WDR49: variants seen among roughly 807,000 people sequenced by gnomAD.
WDR49 encodes WD repeat domain 49.
A neutral mutation model predicts 119.5 loss-of-function variants in WDR49; 107 were observed. The ratio of observed to expected loss-of-function variants is 0.90; its 90% CI spans 0.77 to 1.05. The LOEUF (loss-of-function observed/expected upper bound fraction) is 1.05, where lower values mean the gene tolerates loss of function less well. Among genes scored for constraint, WDR49 ranks in the 50% least tolerant of loss-of-function variants. WDR49 has a pLI of 0.00. For missense variants in WDR49, 1,240 were observed against 1,220.5 expected (o/e 1.02, Z -0.24); for synonymous variants, 425 against 418.8 (o/e 1.01, Z -0.18).
At chr3:167,631,692 T>G (rs1419545166) in intron 2 of WDR49, among the ~76,000 whole-genome samples, 2 of 152,100 alleles carry the variant, frequency 1.3e-5, no homozygotes, top group Non-Finnish European at 2.9e-5. Flanking sequence ...GTCAGCATAT[T>G]GTGGAGCAGG....
chr3:167,648,897 A>T (rs948558964), intron 2 of WDR49, among the ~76,000 whole-genome samples: 1 of 152,182 alleles, frequency 6.6e-6, no homozygotes, highest in Non-Finnish European at 1.5e-5. Flanking sequence ...CATGTTGCAG[A>T]TATTATATAT....
At position 167,627,055 on chromosome 3, in the gene WDR49, G is replaced by A; in HGVS notation, c.403C>T (p.Leu135Phe). ...ATGGTGTCCTTGTGTTTTACTGGGA[G>A]GAATTCAAGGTCCTTCCACTGGGGC... is the stretch of plus-strand genomic sequence containing the variant. ...VVPQWKDLEF[L>F]PVKHKDTIQK... is the part of the protein sequence containing the mutation. The change falls in exon 3 of 19, where the codon CTC (leucine) becomes TTC (phenylalanine). Residue 135 changes from leucine (L) to phenylalanine (F), a missense_variant. By Grantham distance (22) the Leu-to-Phe change is conservative (BLOSUM62 0). Coordinates refer to ENST00000682715, the MANE Select transcript of WDR49 (RefSeq NM_001366157.1). The A allele has an allele frequency of 2.3e-6, 3 of 1,310,412 alleles. No homozygotes were observed. The highest frequency in any genetic ancestry group is 2.9e-6 in the Non-Finnish European group (3 of 1,029,954). The allele number at this position is 1,310,412 out of a possible 1,614,324, so 81.2% of individuals were successfully genotyped here.
intron 7 of WDR49, 31 bp downstream of exon 7, chr3:167,602,096 C>A (rs375342744): frequency 6.5e-7 from 1 of 1,545,886 alleles, no homozygotes; most frequent in African/African-American, 1.4e-5. Flanking sequence ...GGAAGCAAAA[C>A]TAAATTAATT....
At chr3:167,575,168 G>A in intron 8 of WDR49, 1 of 985,376 alleles carries the variant, frequency 1.0e-6, no homozygotes, top group Non-Finnish European at 1.2e-6. Context: ...CATCAGGCCT[G>A]ACGGGATCAC....
At chr3:167,499,932 C>T (rs149939351) in intron 18 of WDR49, among the ~76,000 whole-genome samples, 2 of 152,092 alleles carry the variant, frequency 1.3e-5, no homozygotes, top group Non-Finnish European at 2.9e-5. Flanking sequence ...AGAAAAGGAA[C>T]AAAATAAAAA....
chr3:167,593,229 T>C (rs1292529665), intron 7 of WDR49, among the ~76,000 whole-genome samples: 1 of 152,138 alleles, frequency 6.6e-6, no homozygotes, highest in Non-Finnish European at 1.5e-5. Flanking sequence ...TTAAGTCCAA[T>C]AACTCTTAGA....
intron 3 of WDR49, among the ~76,000 whole-genome samples, chr3:167,625,405 T>C (rs1350482619): frequency 6.6e-6 from 1 of 152,066 alleles, no homozygotes; most frequent in Non-Finnish European, 1.5e-5. Context: ...ATAATAATAA[T>C]AATAGTACTC....
rs1577248140 is a variant in WDR49 at position 167,571,728 on chromosome 3, T to G, written c.1509+4190A>C. 1.3e-5 allele frequency among the ~76,000 whole-genome samples: 2 copies of G among 152,334 alleles called. 1 individual carries two copies. The highest frequency in any genetic ancestry group is 4.1e-4 in the South Asian group (2 of 4,832). Reference sequence around the variant, plus strand: ...GAAAGATGTTTAGAATATGTTGATATCAGCAATAGTTTTGTATTTGAGCTT... The same window carrying G: ...GAAAGATGTTTAGAATATGTTGATAGCAGCAATAGTTTTGTATTTGAGCTT... On this transcript the variant is annotated intron_variant, in intron 8 of 18. Transcript: ENST00000682715.
intron 7 of WDR49, among the ~76,000 whole-genome samples, chr3:167,598,215 G>A (rs1560305564): frequency 6.6e-6 from 1 of 151,800 alleles, no homozygotes; most frequent in Non-Finnish European, 1.5e-5. Context: ...TGAGGTAGGA[G>A]AATTGCTCGA....
chr3:167,622,575 A>C (rs1213976918), intron 3 of WDR49, among the ~76,000 whole-genome samples: 1 of 152,154 alleles, frequency 6.6e-6, no homozygotes, highest in African/African-American at 2.4e-5. Context: ...ACAGAAGCAA[A>C]AACTAAAATT....
intron 2 of WDR49, among the ~76,000 whole-genome samples, chr3:167,649,996 C>A (rs559409782): frequency 7.2e-5 from 11 of 152,062 alleles, no homozygotes; most frequent in African/African-American, 2.7e-4. Flanking sequence ...GGTCTCAGAC[C>A]AAACGGGCAG....
At chr3:167,635,422 CA>C (rs779474808) in intron 2 of WDR49, among the ~76,000 whole-genome samples, 14 of 151,602 alleles carry the variant, frequency 9.2e-5, no homozygotes, top group Non-Finnish European at 1.8e-4. Context: ...TACATACTTT[CA>C]GGAGGAAAAA....
At chr3:167,485,782 C>A (rs575380022) in intron 18 of WDR49, among the ~76,000 whole-genome samples, 107 of 152,186 alleles carry the variant, frequency 7.0e-4, no homozygotes, top group African/African-American at 1.8e-3. Context: ...CTAGGACTCA[C>A]TGATAATCCT....
At chr3:167,549,494 T>A (rs1350609511) in intron 10 of WDR49, among the ~76,000 whole-genome samples, 1 of 152,226 alleles carries the variant, frequency 6.6e-6, no homozygotes, top group Non-Finnish European at 1.5e-5. Flanking sequence ...ATGTCTTCTT[T>A]TGAGAAGTGT....
chr3:167,540,031 A>G (rs1412630525), intron 10 of WDR49, among the ~76,000 whole-genome samples: 1 of 152,180 alleles, frequency 6.6e-6, no homozygotes, highest in Admixed American at 6.5e-5. Flanking sequence ...TCCATGAGAC[A>G]GGTGAAAAAC....
In WDR49 at chr3:167,653,483, T is replaced by A; in HGVS notation, c.-58A>T. The A allele has an allele frequency of 7.1e-7, 1 of 1,417,494 alleles. No individual in the cohort carries two copies. Among genetic ancestry groups the A allele is most frequent in the South Asian group, 1.6e-5 (1 of 63,116 alleles). The allele number at this position is 1,417,494 out of a possible 1,614,324, so 87.8% of individuals were successfully genotyped here. On this transcript the variant is annotated 5_prime_UTR_variant, in exon 2 of 19. It introduces an in-frame stop codon into an upstream open reading frame of the 5' UTR. Transcript: ENST00000682715. ...TATTTCTATAAGGATGGATCTTCTTTTTCCTTCAACAGGTGCCTTTGAAAA... is the reference window on the plus strand; with the variant it reads ...TATTTCTATAAGGATGGATCTTCTTATTCCTTCAACAGGTGCCTTTGAAAA...
At chr3:167,493,783 G>T (rs1227781453) in intron 18 of WDR49, among the ~76,000 whole-genome samples, 1 of 151,988 alleles carries the variant, frequency 6.6e-6, no homozygotes, top group African/African-American at 2.4e-5. Context: ...TCCTTTCTAT[G>T]ATGGCTAGTT....
chr3:167,576,366 T>C (rs1171265318), intron 7 of WDR49, among the ~76,000 whole-genome samples: 1 of 152,144 alleles, frequency 6.6e-6, no homozygotes, highest in East Asian at 1.9e-4. Context: ...GGAAAGGGGT[T>C]GGGTTCTATT....
At chr3:167,491,989 A>T (rs945943396) in intron 18 of WDR49, among the ~76,000 whole-genome samples, 2 of 152,170 alleles carry the variant, frequency 1.3e-5, no homozygotes, top group Non-Finnish European at 2.9e-5. Flanking sequence ...AGGACATTGA[A>T]AGTGAGACTA....
Sources: allele counts gnomAD v4.1 joint callset (sites outside exome capture counted in the v4.1 genomes callset), GRCh38; gene constraint gnomAD v4.1.1; transcripts MANE v1.5; gene names NCBI Gene and HGNC (gene_info 2026-07-23, HGNC 2026-07-21).